BANK1: variants seen among roughly 807,000 people sequenced by gnomAD.
BANK1 encodes B cell scaffold protein with ankyrin repeats 1.
A neutral mutation model predicts 94.5 loss-of-function variants in BANK1; 95 were observed. The observed-to-expected ratio is 1.00, with a 90% CI of 0.85 to 1.19. The LOEUF (loss-of-function observed/expected upper bound fraction) is 1.19, where lower values mean the gene tolerates loss of function less well. Ranked by LOEUF, BANK1 falls within the 50% of genes most tolerant of loss-of-function variation. The probability of loss-of-function intolerance (pLI) is 0.00; values close to 1 mark genes in which losing one functional copy is unlikely to be tolerated. For missense variants in BANK1, 987 were observed against 932.2 expected, an observed-to-expected ratio of 1.06 and a Z score of -0.77; for synonymous variants, 334 against 308.4, an observed-to-expected ratio of 1.08 and a Z score of -0.87.
Position 101,950,685 on chromosome 4 carries a change from A to C in BANK1, c.1206+32496A>C, listed in dbSNP as rs544139142. ...GCTGTACATAATGACTTCCTTTCAA[A>C]GAGTAAAGTTTGAAGGGAGTGGTGG... On this transcript the variant is annotated intron_variant, in intron 7 of 16. Transcript: ENST00000322953. Among the ~76,000 whole-genome samples, 4 of 152,314 alleles carry C rather than the reference A, an allele frequency of 2.6e-5. No individual in the cohort carries two copies. In the South Asian group the frequency reaches 6.2e-4, roughly 24 times the overall value.
In BANK1 at chr4:101,895,342, T is replaced by C. The variant is rs1440682491; in HGVS notation, c.941T>C (p.Ile314Thr). ...GAACTTGATGGTGTCCTTACATCCA[T>C]ATTCAAACATGAGATACCATATTAT... ...IEELDGVLTS[I>T]FKHEIPYYEF... The change falls in exon 6 of 17, where the codon ATA (isoleucine) becomes ACA (threonine). Residue 314 changes from isoleucine (I) to threonine (T), a missense_variant. Ile to Thr is a moderately conservative substitution (Grantham distance 89). Coordinates refer to ENST00000322953, the MANE Select transcript of BANK1 (RefSeq NM_017935.5). 3.1e-6 allele frequency: 5 copies of C among 1,595,418 alleles called. No homozygotes were observed. The highest frequency in any genetic ancestry group is 4.3e-6 in the Non-Finnish European group (5 of 1,171,408).
chr4:102,044,655 A>C (rs1364672131), intron 11 of BANK1, among the ~76,000 whole-genome samples: 7 of 103,152 alleles, frequency 6.8e-5, no homozygotes, highest in African/African-American at 1.9e-4. Context: ...CCAACAGTGT[A>C]AAAGTGTTCC....
intron 7 of BANK1, among the ~76,000 whole-genome samples, chr4:101,970,121 C>T (rs1426614038): frequency 6.6e-6 from 1 of 152,118 alleles, no homozygotes; most frequent in Admixed American, 6.6e-5. Flanking sequence ...CTCTAAGTTC[C>T]CATCATTCCA....
At chr4:102,035,828 CT>C (rs892305879) in intron 10 of BANK1, among the ~76,000 whole-genome samples, 47 of 148,312 alleles carry the variant, frequency 3.2e-4, no homozygotes, top group Admixed American at 1.7e-3. Flanking sequence ...TTTTCCTCTA[CT>C]TTTTTTTTTA....
At chr4:102,043,560 G>T (rs1220040646) in intron 10 of BANK1, among the ~76,000 whole-genome samples, 1 of 151,966 alleles carries the variant, frequency 6.6e-6, no homozygotes, top group African/African-American at 2.4e-5. Flanking sequence ...ATTCTTACCT[G>T]ATATCAAAAT....
chr4:102,013,633 ATTTCTC>A (rs1726591800), intron 7 of BANK1, among the ~76,000 whole-genome samples: 1 of 151,894 alleles, frequency 6.6e-6, no homozygotes, highest in Non-Finnish European at 1.5e-5. Flanking sequence ...GTCAGGTGTG[ATTTCTC>A]GCACCTGAAA....
chr4:102,010,409 T>TG (rs1553940980), intron 7 of BANK1, among the ~76,000 whole-genome samples: 40 of 150,326 alleles, frequency 2.7e-4, no homozygotes, highest in African/African-American at 9.7e-4. Flanking sequence ...TTTTTTTTTT[T>TG]GGGACGGAGT....
intron 7 of BANK1, among the ~76,000 whole-genome samples, chr4:101,956,305 C>G (rs192552518): frequency 7.5e-4 from 114 of 152,278 alleles, no homozygotes; most frequent in Non-Finnish European, 1.4e-3. Flanking sequence ...TCCTGTATTT[C>G]CATGGAAACC....
In BANK1 at chr4:101,830,170, G is replaced by A. The variant is rs1726556843; in HGVS notation, c.433G>A (p.Asp145Asn). ...WEISTEQEPEDYISVIQSIIF... is the reference protein window; with the variant it reads ...WEISTEQEPENYISVIQSIIF... Reference sequence around the variant, plus strand: ...GATCTCAACTGAACAGGAACCTGAAGACTACATCTCTGTAATCCAGAGTAT... The same window carrying A: ...GATCTCAACTGAACAGGAACCTGAAAACTACATCTCTGTAATCCAGAGTAT... The change falls in exon 2 of 17, where the codon GAC becomes AAC. Residue 145 changes from aspartate to asparagine, a missense_variant. Coordinates refer to ENST00000322953, the MANE Select transcript of BANK1 (RefSeq NM_017935.5). The A allele has an allele frequency of 1.0e-5, 16 of 1,586,814 alleles. No individual in the cohort carries two copies. The highest frequency in any genetic ancestry group is 1.4e-5 in the Non-Finnish European group (16 of 1,170,102).
At chr4:101,925,486 A>G (rs1269831607) in intron 7 of BANK1, among the ~76,000 whole-genome samples, 1 of 151,764 alleles carries the variant, frequency 6.6e-6, no homozygotes, top group Non-Finnish European at 1.5e-5. Context: ...AGATAAGGCA[A>G]TTTATGAAAG....
intron 7 of BANK1, among the ~76,000 whole-genome samples, chr4:102,015,714 C>G (rs1432681004): frequency 6.6e-6 from 1 of 152,094 alleles, no homozygotes; most frequent in African/African-American, 2.4e-5. Context: ...CCTTTGGCAT[C>G]AAAGCTGTGA....
chr4:102,032,450 A>G (rs1727353121), intron 10 of BANK1: 1 of 151,766 alleles, frequency 6.6e-6, no homozygotes, highest in Non-Finnish European at 1.5e-5. Flanking sequence ...TTGTGTTTTG[A>G]TTTGTTTTTA....
intron 1 of BANK1, among the ~76,000 whole-genome samples, chr4:101,792,719 C>A (rs1012134923): frequency 6.6e-6 from 1 of 151,838 alleles, no homozygotes; most frequent in African/African-American, 2.4e-5. Context: ...AGTTTCATGC[C>A]CAGGAAGGTA....
intron 12 of BANK1, chr4:102,062,798 A>G: frequency 3.1e-6 from 1 of 326,912 alleles, no homozygotes; most frequent in Non-Finnish European, 5.8e-6. Context: ...TCTTGACTCT[A>G]CCACTTATAA....
intron 1 of BANK1, among the ~76,000 whole-genome samples, chr4:101,822,617 CTT>C (rs35179391): frequency 1.9e-4 from 27 of 139,602 alleles, no homozygotes; most frequent in Admixed American, 2.1e-4. Flanking sequence ...GGAATCAATA[CTT>C]TTTTTTTTTT....
intron 10 of BANK1, among the ~76,000 whole-genome samples, chr4:102,037,406 G>A (rs1282370773): frequency 6.6e-6 from 1 of 152,166 alleles, no homozygotes; most frequent in East Asian, 1.9e-4. Flanking sequence ...CAGGTGCATC[G>A]AACAACCATA....
At chr4:101,992,358 A>G (rs1477305003) in intron 7 of BANK1, among the ~76,000 whole-genome samples, 1 of 152,216 alleles carries the variant, frequency 6.6e-6, no homozygotes, top group East Asian at 1.9e-4. Context: ...TGTAAGTAAA[A>G]CCTCCCAACC....
intron 4 of BANK1, 84 bp from the exon 5 acceptor site, chr4:101,870,421 G>C (rs1364530410): frequency 1.0e-5 from 13 of 1,238,122 alleles, no homozygotes; most frequent in Admixed American, 8.5e-5. Flanking sequence ...ATTTTTAAAG[G>C]CTTCTTTTAT....
At chr4:101,974,206 T>G (rs753405508) in intron 7 of BANK1, among the ~76,000 whole-genome samples, 3 of 152,114 alleles carry the variant, frequency 2.0e-5, no homozygotes, top group Non-Finnish European at 4.4e-5. Flanking sequence ...CCTAACTGAG[T>G]GGAGACAATT....
Sources: allele counts gnomAD v4.1 joint callset (sites outside exome capture counted in the v4.1 genomes callset), GRCh38; gene constraint gnomAD v4.1.1; transcripts MANE v1.5; gene names NCBI Gene and HGNC (gene_info 2026-07-23, HGNC 2026-07-21).